Variants in RNF24 observed in about 807,000 individuals in gnomAD.
The protein encoded by RNF24 is ring finger protein 24.
In RNF24, 14 loss-of-function variants were observed where a neutral mutation model predicts 20.0. The observed-to-expected ratio is 0.70, with a 90% CI of 0.46 to 1.10. The LOEUF is 1.10. Among genes scored for constraint, RNF24 ranks in the 50% least tolerant of loss-of-function variants. The pLI is 0.00. For missense variants in RNF24, 124 were observed against 177.6 expected (o/e 0.70, Z 1.71); for synonymous variants, 45 against 61.1 (o/e 0.74, Z 1.23).
At chr20:3,989,685 G>A (rs1449854249) in intron 1 of RNF24, among the ~76,000 whole-genome samples, 4 of 152,052 alleles carry the variant, frequency 2.6e-5, no homozygotes, top group East Asian at 1.9e-4. Context: ...ACTTGTCAGC[G>A]AGCTGTGAAG....
rs576986154 is a variant in RNF24, at chr20:3,928,139, C to CATCTGCTTAAGAA, written c.*5911_*5923dup. Reference sequence around the variant, plus strand: ...ATTTAGGCATGAATCTGGACATGTCCATCTGCTTAAGAAATCTGCTTAAGA... The same window carrying CATCTGCTTAAGAA: ...ATTTAGGCATGAATCTGGACATGTCCATCTGCTTAAGAAATCTGCTTAAGAAATCTGCTTAAGA... On this transcript the variant is annotated 3_prime_UTR_variant, in exon 6 of 6. Transcript: ENST00000358395. The CATCTGCTTAAGAA allele has an allele frequency of 2.6e-5, 4 of 152,148 alleles. No homozygotes were observed. The highest frequency in any genetic ancestry group is 6.5e-5 in the Admixed American group (1 of 15,272). 9.4% of individuals were successfully genotyped at this position (152,148 alleles called of 1,614,324 possible). A position where few individuals can be genotyped will look rare whatever the true frequency, so the allele number is the denominator to read the frequency against.
intron 2 of RNF24, among the ~76,000 whole-genome samples, chr20:3,953,470 T>C (rs374384740): frequency 2.5e-3 from 372 of 146,286 alleles, no homozygotes; most frequent in Middle Eastern, 3.5e-3. Flanking sequence ...ATTCTCTCTT[T>C]TTTTTTTTTT....
intron 1 of RNF24, among the ~76,000 whole-genome samples, chr20:3,988,023 AT>A (rs914190555): frequency 8.0e-5 from 12 of 150,924 alleles, no homozygotes; most frequent in African/African-American, 2.2e-4. Flanking sequence ...AAAAAAAAAA[AT>A]TTTTTTTGGT....
chr20:3,953,792 T>C (rs544789244), intron 2 of RNF24, among the ~76,000 whole-genome samples: 20 of 150,746 alleles, frequency 1.3e-4, no homozygotes, highest in African/African-American at 4.9e-4. Flanking sequence ...AGTCTCACTC[T>C]GTCGCCCAGG....
At chr20:4,006,515 A>G (rs1332731985) in intron 1 of RNF24, among the ~76,000 whole-genome samples, 3 of 152,220 alleles carry the variant, frequency 2.0e-5, no homozygotes, top group African/African-American at 7.2e-5. Context: ...ACAAATAAAA[A>G]CAGGAACTTT....
At chr20:3,946,989 A>C (rs1488301490) in intron 3 of RNF24, among the ~76,000 whole-genome samples, 3 of 152,182 alleles carry the variant, frequency 2.0e-5, no homozygotes, top group African/African-American at 7.2e-5. Flanking sequence ...TCAAGAGATC[A>C]AGACCATCCT....
intron 1 of RNF24, among the ~76,000 whole-genome samples, chr20:3,979,127 T>C (rs950839048): frequency 6.7e-6 from 1 of 149,350 alleles, no homozygotes; most frequent in African/African-American, 2.5e-5. Flanking sequence ...ATAATATATA[T>C]ATATTATATA....
chr20:3,942,287 G>A (rs1177986938), intron 4 of RNF24, among the ~76,000 whole-genome samples: 1 of 150,108 alleles, frequency 6.7e-6, no homozygotes, highest in East Asian at 2.0e-4. Context: ...TCCCACCTCA[G>A]CCTCCTAAGT....
intron 1 of RNF24, among the ~76,000 whole-genome samples, chr20:4,000,097 T>C (rs1981264102): frequency 6.6e-6 from 1 of 152,204 alleles, no homozygotes; most frequent in Non-Finnish European, 1.5e-5. Flanking sequence ...ATTGTGGTGA[T>C]AGACAGAAAA....
intron 1 of RNF24, among the ~76,000 whole-genome samples, chr20:3,967,448 A>C (rs537277209): frequency 6.6e-6 from 1 of 152,204 alleles, no homozygotes; most frequent in South Asian, 2.1e-4. Context: ...TCAAACCAAA[A>C]CAAAAAAAAA....
Position 3,932,348 on chromosome 20 carries a change from T to C in RNF24, c.*1715A>G, listed in dbSNP as rs562131160. 7 of 152,376 alleles carry C rather than the reference T, an allele frequency of 4.6e-5. No individual in the cohort carries two copies. Among genetic ancestry groups the C allele is most frequent in the African/African-American group, 1.4e-4 (6 of 41,576 alleles). 9.4% of individuals were successfully genotyped at this position (152,376 alleles called of 1,614,324 possible). On this transcript the variant is annotated 3_prime_UTR_variant, in exon 6 of 6. Coordinates refer to ENST00000358395, the MANE Select transcript of RNF24 (RefSeq NM_001134337.3). ...AGGCTAAGGCTTTCATATAAAAATA[T>C]TCCTCACTTTCCTCGTCCTGTTTAG...
chr20:3,975,862 C>A lies in RNF24; in HGVS notation c.-7-11838G>T, dbSNP rs145471354. On this transcript the variant is annotated intron_variant, in intron 1 of 5. Transcript: ENST00000358395. ...CCTTTCTCAGAGCCCTCAGAAGGAA[C>A]AACCTTGCTATTTTTTTTTTTGCAA... is the stretch of plus-strand genomic sequence containing the variant. 1.6e-4 allele frequency among the ~76,000 whole-genome samples: 25 copies of A among 152,076 alleles called. 1 individual carries two copies. The East Asian group carries it at 3.3e-3, about 20-fold the overall frequency.
chr20:4,000,271 C>T (rs796466434), intron 1 of RNF24, among the ~76,000 whole-genome samples: 4 of 152,282 alleles, frequency 2.6e-5, no homozygotes, highest in African/African-American at 9.6e-5. Flanking sequence ...AGCCTGTGAT[C>T]CCAGCACTTT....
In RNF24 at chr20:3,934,270, A is replaced by G; in HGVS notation, c.309-69T>C. ...TCATGGCACGGCTGTTCTGCTGAACATCTCCATATCTGTCACCCAGACAAC... is the reference window on the plus strand; with the variant it reads ...TCATGGCACGGCTGTTCTGCTGAACGTCTCCATATCTGTCACCCAGACAAC... On this transcript the variant is annotated intron_variant, in intron 5 of 5. Transcript: ENST00000358395. This position sits in a 1 kb window ranked among gnomAD's most constrained non-coding sequence, Gnocchi z 4.0. 6.7e-7 allele frequency: 1 copy of G among 1,482,836 alleles called. No individual in the cohort carries two copies. The highest frequency in any genetic ancestry group is 9.1e-7 in the Non-Finnish European group (1 of 1,094,996). The allele number at this position is 1,482,836 out of a possible 1,614,324, so 91.9% of individuals were successfully genotyped here. A position where few individuals can be genotyped will look rare whatever the true frequency, so the allele number is the denominator to read the frequency against.
At chr20:3,944,612 C>A (rs116066204) in intron 4 of RNF24, among the ~76,000 whole-genome samples, 1 of 152,172 alleles carries the variant, frequency 6.6e-6, no homozygotes, top group African/African-American at 2.4e-5. Flanking sequence ...AAAAAGAATT[C>A]TTATAGGCTA....
chr20:3,953,290 T>G (rs2091103106), intron 2 of RNF24, among the ~76,000 whole-genome samples: 1 of 151,978 alleles, frequency 6.6e-6, no homozygotes, highest in Non-Finnish European at 1.5e-5. Context: ...TAGCTGGGAC[T>G]ACAGACACCC....
Position 4,015,522 on chromosome 20 carries a change from C to A in RNF24, c.-93G>T, listed in dbSNP as rs987766240. ...AGGCTGCGGGCGGCGAGCGTCCGTC[C>A]GGACAGAGCGCGGCGGAGGTGGCGG... On this transcript the variant is annotated 5_prime_UTR_variant, in exon 1 of 6. Transcript: ENST00000358395. 2.0e-5 allele frequency: 3 copies of A among 150,906 alleles called. No individual in the cohort carries two copies. Among genetic ancestry groups the A allele is most frequent in the Admixed American group, 1.3e-4 (2 of 15,118 alleles). The allele number at this position is 150,906 out of a possible 1,614,324, so 9.3% of individuals were successfully genotyped here.
At chr20:3,969,692 T>A (rs182354577) in intron 1 of RNF24, among the ~76,000 whole-genome samples, 1 of 151,920 alleles carries the variant, frequency 6.6e-6, no homozygotes, top group East Asian at 1.9e-4. Flanking sequence ...AGATTTTCAC[T>A]CTTGCCAGGA....
At chr20:3,946,399 A>G (rs1160816309) in intron 3 of RNF24, among the ~76,000 whole-genome samples, 1 of 152,074 alleles carries the variant, frequency 6.6e-6, no homozygotes, top group Admixed American at 6.6e-5. Flanking sequence ...GGTTGCAGTG[A>G]GCTGAGATTG....
Sources: gnomAD v4.1 joint callset for allele counts (sites outside exome capture counted in the v4.1 genomes callset) on GRCh38, gnomAD v4.1.1 for gene constraint, Gnocchi (gnomAD v3.1) non-coding constraint, MANE v1.5 for transcripts, NCBI Gene and HGNC (gene_info 2026-07-23, HGNC 2026-07-21) for gene names.